The following LAMA5 variants were observed in gnomAD, a reference collection of about 807,000 sequenced individuals.
LAMA5 encodes laminin subunit alpha 5, also known as laminin subunit alpha-5.
Under a neutral mutation model 433.4 loss-of-function variants are expected in LAMA5, and 260 were observed. That is an observed-to-expected ratio of 0.60 (90% confidence interval 0.54 to 0.66). LAMA5 has a LOEUF of 0.66. Ranked by LOEUF, LAMA5 falls within the 30% of genes least tolerant of loss-of-function variation. The pLI is 0.00. For missense variants in LAMA5, 5,378 were observed against 5,258.5 expected, an observed-to-expected ratio of 1.02 and a Z score of -0.70; for synonymous variants, 2,620 against 2,226.6, an observed-to-expected ratio of 1.18 and a Z score of -4.97.
In LAMA5 at chr20:62,366,972, C is replaced by T; in HGVS notation, c.274G>A (p.Gly92Ser). Residue 92 changes from glycine to serine, a missense_variant, in exon 1 of 80, where the codon GGC (glycine) becomes AGC (serine). Gly to Ser is a moderately conservative substitution (Grantham distance 56). Coordinates refer to ENST00000252999, the MANE Select transcript of LAMA5 (RefSeq NM_005560.6). ...ACCCGGATGGTCTGGTTGGGGTCGC[C>T]GCCGGCCACGGGGCCCCCTACCAGC... ...CKLVGGPVAG[G>S]DPNQTIRGQY... 1 of 1,275,484 alleles carries T rather than the reference C, an allele frequency of 7.8e-7. No individual in the cohort carries two copies. Among genetic ancestry groups the T allele is most frequent in the African/African-American group, 1.5e-5 (1 of 65,972 alleles). 79.0% of individuals were successfully genotyped at this position (1,275,484 alleles called of 1,614,324 possible). A position where few individuals can be genotyped will look rare whatever the true frequency, so the allele number is the denominator to read the frequency against.
At chr20:62,320,480 C>G (rs1987565390) in intron 50 of LAMA5, 79 bp downstream of exon 50, 2 of 1,083,086 alleles carry the variant, frequency 1.8e-6, no homozygotes, top group South Asian at 2.7e-5. Flanking sequence ...GAAGTAACAT[C>G]TGCTGAATGA....
At chr20:62,323,146 G>A (rs1193261535) in intron 45 of LAMA5, among the ~76,000 whole-genome samples, 30 of 148,636 alleles carry the variant, frequency 2.0e-4, no homozygotes, top group African/African-American at 7.1e-4. Context: ...TCATGGGTAG[G>A]GGAGGGGGGA....
chr20:62,345,192 G>A (rs932922964), intron 11 of LAMA5, among the ~76,000 whole-genome samples: 2 of 151,710 alleles, frequency 1.3e-5, no homozygotes, highest in African/African-American at 2.4e-5. Context: ...TAGTAGAGAC[G>A]GGGTTTCACC....
intron 68 of LAMA5, 25 bp from the exon 69 acceptor site, chr20:62,312,341 C>T (rs376112103): frequency 1.1e-5 from 18 of 1,603,922 alleles, no homozygotes; most frequent in Non-Finnish European, 1.5e-5. Context: ...TCCCTGAGTG[C>T]CCGCGGGTGC....
chr20:62,326,974 C>G lies in LAMA5; in HGVS notation c.5113-8G>C, dbSNP rs774690253. On this transcript the variant is annotated splice_region_variant and splice_polypyrimidine_tract_variant and intron_variant, in intron 38 of 79. Transcript: ENST00000252999. ...CCCACCGTAGGATGACACCTGGAGG[C>G]AGGACAGACAGAGGTGACCTGGCCA... is the stretch of plus-strand genomic sequence containing the variant. 16 of 1,585,458 alleles carry G rather than the reference C, an allele frequency of 1.0e-5. No homozygotes were observed. The highest frequency in any genetic ancestry group is 1.4e-5 in the Non-Finnish European group (16 of 1,159,086).
In LAMA5 at chr20:62,359,357, G is replaced by A. The variant is rs1985695554; in HGVS notation, c.450+3043C>T. Reference sequence around the variant, plus strand: ...CAACCTGGGCCCGCTGGGCTAGCGTGCTGGTGTAGTGGGGCAAGGGCCTGG... The same window carrying A: ...CAACCTGGGCCCGCTGGGCTAGCGTACTGGTGTAGTGGGGCAAGGGCCTGG... On this transcript the variant is annotated intron_variant, in intron 2 of 79. Coordinates refer to ENST00000252999, the MANE Select transcript of LAMA5 (RefSeq NM_005560.6). The surrounding 1 kb of genome is among the most constrained non-coding windows in gnomAD (Gnocchi z 4.3). 6.6e-6 allele frequency among the ~76,000 whole-genome samples: 1 copy of A among 152,194 alleles called. No individual in the cohort carries two copies. The highest frequency in any genetic ancestry group is 1.5e-5 in the Non-Finnish European group (1 of 68,024).
Position 62,332,591 on chromosome 20 carries a change from G to C in LAMA5, c.3409C>G (p.Gln1137Glu). ...CAGGGGTGCAGGGAGAGCAGCCCCTGCTGGGGGGCCCGCTGTGGGGTGTGC... is the reference window on the plus strand; with the variant it reads ...CAGGGGTGCAGGGAGAGCAGCCCCTCCTGGGGGGCCCGCTGTGGGGTGTGC... ...AVHTPQRAPQ[Q>E]GLLSLHPCLY... Residue 1137 changes from glutamine to glutamate, a missense_variant, in exon 27 of 80, where the codon CAG becomes GAG. Physicochemically the swap from Gln to Glu is conservative, Grantham distance 29. Coordinates refer to ENST00000252999, the MANE Select transcript of LAMA5 (RefSeq NM_005560.6). The C allele has an allele frequency of 1.9e-6, 3 of 1,594,936 alleles. No individual in the cohort carries two copies. Among genetic ancestry groups the C allele is most frequent in the Non-Finnish European group, 2.6e-6 (3 of 1,169,292 alleles).
At chr20:62,321,576 T>A (rs1264546386) in intron 48 of LAMA5, among the ~76,000 whole-genome samples, 45 of 9,578 alleles carry the variant, frequency 4.7e-3, no homozygotes, top group Non-Finnish European at 7.6e-3. Context: ...AGGCAGGGCC[T>A]GTGGAGGGGT....
chr20:62,328,155 AGGGT>A, intron 35 of LAMA5, 82 bp downstream of exon 35: 26 of 1,509,590 alleles, frequency 1.7e-5, no homozygotes, highest in Non-Finnish European at 2.3e-5. Context: ...AAATGGGAGC[AGGGT>A]GGGTGCCAGG....
Position 62,346,125 on chromosome 20 carries a change from C to T in LAMA5, c.1373G>A (p.Cys458Tyr). The change falls in exon 10 of 80, where the codon TGT (cysteine) becomes TAT (tyrosine). Residue 458 changes from cysteine to tyrosine, a missense_variant. Physicochemically the swap from Cys to Tyr is radical, Grantham distance 194. Transcript: ENST00000252999. ...CGTGAAGCCCTCGGCACACACGTCA[C>T]ACCGCTCCCCAGAGAAGTTGGGCCG... ...YCRPNFSGERCDVCAEGFTGF... is the reference protein window; with the variant it reads ...YCRPNFSGERYDVCAEGFTGF... 1 of 1,613,068 alleles carries T rather than the reference C, an allele frequency of 6.2e-7. No individual in the cohort carries two copies.
intron 75 of LAMA5, 31 bp downstream of exon 75, chr20:62,310,634 G>C (rs776146573): frequency 5.6e-5 from 89 of 1,594,186 alleles, no homozygotes; most frequent in Non-Finnish European, 7.6e-5. Flanking sequence ...CAGTGGGTGG[G>C]GAGTGGGGGC....
chr20:62,314,997 A>G, intron 59 of LAMA5, 31 bp downstream of exon 59: 1 of 1,578,494 alleles, frequency 6.3e-7, no homozygotes, highest in Non-Finnish European at 8.6e-7. Context: ...GCCCGCCTCC[A>G]TCAGGGGCAC....
chr20:62,323,289 A>G (rs1978649991), intron 45 of LAMA5, among the ~76,000 whole-genome samples, 167 bp downstream of exon 45: 1 of 150,896 alleles, frequency 6.6e-6, no homozygotes, highest in Admixed American at 6.6e-5. Flanking sequence ...GGACCGGATC[A>G]TAGCGGGGGA....
intron 45 of LAMA5, 51 bp downstream of exon 45, chr20:62,323,405 C>A (rs370749345): frequency 1.2e-5 from 17 of 1,412,768 alleles, no homozygotes; most frequent in Non-Finnish European, 1.6e-5. Flanking sequence ...AGGCCTCCCT[C>A]CTCCCCGCGC....
In LAMA5 at chr20:62,333,068, C is replaced by A. The variant is rs202213477; in HGVS notation, c.3282+22G>T. The A allele has an allele frequency of 2.5e-5, 37 of 1,480,596 alleles. No homozygotes were observed. The African/African-American group carries it at 4.8e-4, about 19-fold the overall frequency. 91.7% of individuals were successfully genotyped at this position (1,480,596 alleles called of 1,614,324 possible). A position where few individuals can be genotyped will look rare whatever the true frequency, so the allele number is the denominator to read the frequency against. On this transcript the variant is annotated intron_variant, in intron 26 of 79. Transcript: ENST00000252999. ...CAAGGTCCTGCAACACCCATTGCTC[C>A]GTGGGGTCCCAGGACACGCACATCA... is the stretch of plus-strand genomic sequence containing the variant.
rs1272684195 is a variant in LAMA5, at chr20:62,311,646, G to T, written c.9774C>A (p.Phe3258Leu). 2 of 1,602,198 alleles carry T rather than the reference G, an allele frequency of 1.2e-6. No individual in the cohort carries two copies. Among genetic ancestry groups the T allele is most frequent in the South Asian group, 2.2e-5 (2 of 89,434 alleles). The change falls in exon 71 of 80, where the codon TTC (phenylalanine) becomes TTA (leucine). Residue 3258 changes from phenylalanine (F) to leucine (L), a missense_variant. Physicochemically the swap from Phe to Leu is conservative, Grantham distance 22 (BLOSUM62 0). Transcript: ENST00000252999. The stretch of plus-strand genomic sequence containing the variant: ...CGAAGACGTTGCTGATGCAGCCACT[G>T]AAGTTGTAAATGGTGCCAGACTCAG... ...GLPESGTIYNFSGCISNVFVQ... is the reference protein window; with the variant it reads ...GLPESGTIYNLSGCISNVFVQ...
At chr20:62,319,987 T>TA (rs1399358441) in intron 50 of LAMA5, among the ~76,000 whole-genome samples, 192 bp from the exon 51 acceptor site, 6 of 152,136 alleles carry the variant, frequency 3.9e-5, no homozygotes, top group Non-Finnish European at 8.8e-5. Flanking sequence ...AACTTGCCAT[T>TA]TGTTATTTCC....
intron 65 of LAMA5, 31 bp downstream of exon 65, chr20:62,313,057 G>C: frequency 6.2e-7 from 1 of 1,604,330 alleles, no homozygotes. Flanking sequence ...CAGTGCAAGT[G>C]GGGATGGCAG....
chr20:62,352,434 T>G, intron 3 of LAMA5, 74 bp from the exon 4 acceptor site: 1 of 1,145,008 alleles, frequency 8.7e-7, no homozygotes, highest in Admixed American at 2.0e-5. Context: ...CCGGGCCCCT[T>G]GACGTCTCCG....
Sources: allele counts gnomAD v4.1 joint callset (sites outside exome capture counted in the v4.1 genomes callset), GRCh38; gene constraint gnomAD v4.1.1; non-coding constraint Gnocchi (gnomAD v3.1); transcripts MANE v1.5; gene names NCBI Gene and HGNC (gene_info 2026-07-23, HGNC 2026-07-21).